TBC1D5: variants seen among roughly 807,000 people sequenced by gnomAD.
The protein encoded by TBC1D5 is TBC1 domain family, member 5.
A neutral mutation model predicts 100.3 loss-of-function variants in TBC1D5; 75 were observed. The observed-to-expected ratio is 0.75, with a 90% CI of 0.62 to 0.91. The LOEUF is 0.91. Among genes scored for constraint, TBC1D5 ranks in the 40% least tolerant of loss-of-function variants. The probability of loss-of-function intolerance (pLI) is 0.00; values close to 1 mark genes in which losing one functional copy is unlikely to be tolerated. For missense variants in TBC1D5, 910 were observed against 942.4 expected, an observed-to-expected ratio of 0.97 and a Z score of 0.45; for synonymous variants, 323 against 325.6, an observed-to-expected ratio of 0.99 and a Z score of 0.09.
chr3:17,398,491 G>A (rs1220677422), intron 8 of TBC1D5, among the ~76,000 whole-genome samples: 2 of 152,050 alleles, frequency 1.3e-5, no homozygotes, highest in Admixed American at 6.6e-5. Context: ...TTTGAAGTGT[G>A]CTTATGTCTG....
intron 2 of TBC1D5, among the ~76,000 whole-genome samples, chr3:17,559,745 A>G (rs891575610): frequency 9.9e-5 from 15 of 151,856 alleles, no homozygotes; most frequent in Admixed American, 2.6e-4. Context: ...GCCCACGACC[A>G]TGCCCGGCTA....
rs2065902677 is a variant in TBC1D5, at chr3:17,654,801, T to G, written c.-100-30888A>C. Among the ~76,000 whole-genome samples the G allele has an allele frequency of 2.0e-5, 3 of 152,120 alleles. No homozygotes were observed. In the South Asian group the frequency reaches 6.2e-4, roughly 31 times the overall value. On this transcript the variant is annotated intron_variant, in intron 1 of 21. Transcript: ENST00000253692. ...AATCCATCTGGTCCTGGACTCTTTT[T>G]GGTTGGTAAGCTATTGATTATTGCC...
At chr3:17,257,045 T>A (rs776673356) in intron 16 of TBC1D5, among the ~76,000 whole-genome samples, 1 of 151,828 alleles carries the variant, frequency 6.6e-6, no homozygotes, top group African/African-American at 2.4e-5. Context: ...GTCAAAGAGA[T>A]AGGAAAGGGC....
At chr3:17,720,771 C>T (rs1465062507) in intron 1 of TBC1D5, among the ~76,000 whole-genome samples, 4 of 150,852 alleles carry the variant, frequency 2.7e-5, no homozygotes, top group Admixed American at 2.0e-4. Flanking sequence ...GAAGTGATAG[C>T]GCCACTACCC....
rs1467458700 is a variant in TBC1D5, at chr3:17,522,390, A to G, written c.-35-13785T>C. ...AATAAACTATTTCAATTTCATTTGC[A>G]TAAGAGGGAAAGACTAAAGCACTGA... On this transcript the variant is annotated intron_variant, in intron 2 of 21. Coordinates refer to ENST00000253692, the Ensembl canonical transcript of TBC1D5. 2.0e-5 allele frequency among the ~76,000 whole-genome samples: 3 copies of G among 152,280 alleles called. No individual in the cohort carries two copies. In the South Asian group the frequency reaches 6.2e-4, roughly 32 times the overall value.
chr3:17,734,063 C>T (rs1291954029), intron 1 of TBC1D5, among the ~76,000 whole-genome samples: 1 of 152,022 alleles, frequency 6.6e-6, no homozygotes. Flanking sequence ...ATTGTATTCA[C>T]AATAATTTCT....
intron 9 of TBC1D5, among the ~76,000 whole-genome samples, chr3:17,379,173 G>A (rs1234790888): frequency 6.6e-6 from 1 of 150,886 alleles, no homozygotes; most frequent in Admixed American, 6.6e-5. Context: ...ACATAAAATG[G>A]TAAACAAAAC....
At chr3:17,427,794 T>A (rs1270910836) in intron 4 of TBC1D5, among the ~76,000 whole-genome samples, 1 of 151,952 alleles carries the variant, frequency 6.6e-6, no homozygotes, top group African/African-American at 2.4e-5. Flanking sequence ...CAAGTATTAC[T>A]GAAAATACTT....
intron 13 of TBC1D5, among the ~76,000 whole-genome samples, chr3:17,356,869 T>C (rs2091259426): frequency 6.6e-6 from 1 of 152,140 alleles, no homozygotes; most frequent in Non-Finnish European, 1.5e-5. Context: ...AGGCAGACCT[T>C]GGGAGGCAAA....
intron 2 of TBC1D5, among the ~76,000 whole-genome samples, chr3:17,591,041 C>A (rs2096764002): frequency 6.6e-6 from 1 of 151,664 alleles, no homozygotes; most frequent in African/African-American, 2.4e-5. Flanking sequence ...AGACAGCCAT[C>A]CTGGCTAACA....
chr3:17,499,927 C>G (rs1159191031), intron 3 of TBC1D5, among the ~76,000 whole-genome samples: 1 of 149,118 alleles, frequency 6.7e-6, no homozygotes, highest in East Asian at 1.9e-4. Context: ...TCTGGGGGGT[C>G]CAGGAATACT....
At chr3:17,465,964 T>C (rs574383317) in intron 3 of TBC1D5, among the ~76,000 whole-genome samples, 1 of 152,326 alleles carries the variant, frequency 6.6e-6, no homozygotes, top group African/African-American at 2.4e-5. Context: ...TAGGACATGA[T>C]ATTATTTCAA....
intron 1 of TBC1D5, among the ~76,000 whole-genome samples, chr3:17,667,768 A>T (rs2067439860): frequency 6.6e-6 from 1 of 152,142 alleles, no homozygotes; most frequent in Admixed American, 6.5e-5. Context: ...ATTATTTTTA[A>T]TAATTCCAAA....
At chr3:17,588,206 G>C (rs1176668890) in intron 2 of TBC1D5, among the ~76,000 whole-genome samples, 1 of 146,338 alleles carries the variant, frequency 6.8e-6, no homozygotes, top group East Asian at 2.0e-4. Flanking sequence ...ACAGGATATA[G>C]CCAATAAAAG....
exon 22 of TBC1D5, chr3:17,158,025 C>G (rs984537167): frequency 2.0e-5 from 3 of 152,222 alleles, no homozygotes; most frequent in African/African-American, 7.2e-5. Context: ...TACCTCTGAA[C>G]ATTAGCAGGA....
chr3:17,406,747 G>A, intron 4 of TBC1D5: 1 of 495,164 alleles, frequency 2.0e-6, no homozygotes, highest in Non-Finnish European at 3.5e-6. Context: ...GCCAGCTACT[G>A]AAATTCATAA....
intron 1 of TBC1D5, among the ~76,000 whole-genome samples, chr3:17,716,987 T>C (rs1018927144): frequency 4.6e-5 from 7 of 152,158 alleles, no homozygotes; most frequent in Non-Finnish European, 8.8e-5. Flanking sequence ...TTCAATAACA[T>C]GGACTTGCTG....
At chr3:17,507,215 C>T (rs2095853824) in intron 3 of TBC1D5, among the ~76,000 whole-genome samples, 1 of 152,098 alleles carries the variant, frequency 6.6e-6, no homozygotes, top group African/African-American at 2.4e-5. Context: ...ATGAGTATTA[C>T]ATTTAAGAGA....
chr3:17,427,309 T>C (rs966218028), intron 4 of TBC1D5, among the ~76,000 whole-genome samples: 2 of 151,932 alleles, frequency 1.3e-5, no homozygotes, highest in African/African-American at 2.4e-5. Context: ...AAAATAAAGA[T>C]ATCAAGTGTT....
Sources: allele counts gnomAD v4.1 joint callset (sites outside exome capture counted in the v4.1 genomes callset), GRCh38; gene constraint gnomAD v4.1.1; transcripts MANE v1.5; gene names NCBI Gene and HGNC (gene_info 2026-07-23, HGNC 2026-07-21).